CDH18: variants seen among roughly 807,000 people sequenced by gnomAD.
The protein encoded by CDH18 is cadherin 18.
Under a neutral mutation model 67.9 loss-of-function variants are expected in CDH18, and 31 were observed. That is an observed-to-expected ratio of 0.46 (90% CI 0.34 to 0.62). The LOEUF is 0.62. Among genes scored for constraint, CDH18 ranks in the 20% least tolerant of loss-of-function variants. CDH18 has a pLI of 0.01. For synonymous variants in CDH18, 362 were observed against 347.2 expected, an observed-to-expected ratio of 1.04 and a Z score of -0.48; for missense variants, 890 against 975.5, an observed-to-expected ratio of 0.91 and a Z score of 1.17.
chr5:20,063,904 C>T (rs563915986), intron 2 of CDH18, among the ~76,000 whole-genome samples: 1 of 152,124 alleles, frequency 6.6e-6, no homozygotes, highest in Non-Finnish European at 1.5e-5. Flanking sequence ...CCATTGTGCT[C>T]GGGGAAACAA....
intron 4 of CDH18, among the ~76,000 whole-genome samples, chr5:19,736,046 A>G (rs1768278430): frequency 6.6e-6 from 1 of 152,230 alleles, no homozygotes; most frequent in Non-Finnish European, 1.5e-5. Flanking sequence ...TATTTATGAC[A>G]ACTATGAAAA....
chr5:19,785,421 G>A (rs1775594067), intron 3 of CDH18, among the ~76,000 whole-genome samples: 1 of 151,072 alleles, frequency 6.6e-6, no homozygotes, highest in Non-Finnish European at 1.5e-5. Flanking sequence ...GGGAGGCCGA[G>A]GCGGGCAGAT....
chr5:19,701,129 T>C (rs1763197947), intron 5 of CDH18, among the ~76,000 whole-genome samples: 1 of 152,120 alleles, frequency 6.6e-6, no homozygotes, highest in Non-Finnish European at 1.5e-5. Flanking sequence ...ATTTTAAATC[T>C]TGTATATTTG....
At chr5:20,224,884 T>C (rs1281859713) in intron 2 of CDH18, among the ~76,000 whole-genome samples, 1 of 152,092 alleles carries the variant, frequency 6.6e-6, no homozygotes, top group African/African-American at 2.4e-5. Context: ...CTCTAATATA[T>C]AAACATGCAT....
upstream of CDH18, among the ~76,000 whole-genome samples, chr5:19,989,314 A>C (rs1272644295): frequency 1.3e-5 from 2 of 152,222 alleles, no homozygotes; most frequent in African/African-American, 4.8e-5. Flanking sequence ...TAGTTGATAA[A>C]ACTACAAATG....
At chr5:19,704,147 A>T (rs865957790) in intron 5 of CDH18, among the ~76,000 whole-genome samples, 1 of 152,198 alleles carries the variant, frequency 6.6e-6, no homozygotes, top group Admixed American at 6.5e-5. Context: ...TTATTGGGTG[A>T]ATCAAATTAC....
At chr5:19,584,810 AAAGAAAAAAAG>A (rs1743881136) in intron 7 of CDH18, among the ~76,000 whole-genome samples, 2 of 144,760 alleles carry the variant, frequency 1.4e-5, no homozygotes, top group East Asian at 4.0e-4. Flanking sequence ...AAAAAAAAAA[AAAGAAAAAAAG>A]AAAAAGAAAA....
intron 3 of CDH18, 65 bp downstream of exon 3, chr5:19,838,694 C>T: frequency 1.9e-6 from 2 of 1,054,700 alleles, no homozygotes; most frequent in South Asian, 2.8e-5. Flanking sequence ...ATTTCTCCAA[C>T]ATGAGCTCAT....
At chr5:20,254,200 CT>C (rs1204095929) in intron 2 of CDH18, among the ~76,000 whole-genome samples, 11 of 152,300 alleles carry the variant, frequency 7.2e-5, no homozygotes, top group South Asian at 2.1e-4. Context: ...GCAACCTCTG[CT>C]TCTCAGGTTC....
At chr5:20,125,123 T>G (rs1186502651) in intron 2 of CDH18, among the ~76,000 whole-genome samples, 3 of 152,198 alleles carry the variant, frequency 2.0e-5, no homozygotes, top group Non-Finnish European at 4.4e-5. Context: ...ATACATGAAC[T>G]AAATAAACAA....
chr5:20,070,815 T>G (rs1031671810), intron 2 of CDH18, among the ~76,000 whole-genome samples: 8 of 152,204 alleles, frequency 5.3e-5, no homozygotes, highest in African/African-American at 1.9e-4. Flanking sequence ...GTAGAAGAGA[T>G]ATAACTAGAA....
At chr5:20,441,008 G>A (rs950192251) in intron 1 of CDH18, among the ~76,000 whole-genome samples, 1 of 151,936 alleles carries the variant, frequency 6.6e-6, no homozygotes, top group Non-Finnish European at 1.5e-5. Context: ...GAATGAAGAA[G>A]GTAACAGATT....
chr5:19,731,437 T>G (rs1158032625), intron 4 of CDH18, among the ~76,000 whole-genome samples: 1 of 151,866 alleles, frequency 6.6e-6, no homozygotes, highest in Non-Finnish European at 1.5e-5. Flanking sequence ...GGTGACAGAG[T>G]GAGACTCCAT....
chr5:20,292,218 G>A (rs1023431131), intron 1 of CDH18, among the ~76,000 whole-genome samples: 5 of 152,266 alleles, frequency 3.3e-5, no homozygotes, highest in Admixed American at 6.5e-5. Flanking sequence ...CTGTAAGACC[G>A]GGACATGACA....
At chr5:19,953,476 T>C (rs1445608165) in intron 2 of CDH18, among the ~76,000 whole-genome samples, 1 of 152,032 alleles carries the variant, frequency 6.6e-6, no homozygotes, top group East Asian at 1.9e-4. Context: ...GATATATTTT[T>C]ATTATTATAT....
chr5:19,617,853 T>C (rs371956377), intron 5 of CDH18, among the ~76,000 whole-genome samples: 2 of 152,326 alleles, frequency 1.3e-5, no homozygotes, highest in Admixed American at 6.5e-5. Flanking sequence ...GTTCATAACA[T>C]TGAAAATGCA....
intron 1 of CDH18, among the ~76,000 whole-genome samples, chr5:20,310,417 A>T (rs1736879344): frequency 6.6e-6 from 1 of 152,136 alleles, no homozygotes; most frequent in Non-Finnish European, 1.5e-5. Context: ...TCTTTGCTTT[A>T]ATTGGGGGAA....
intron 2 of CDH18, among the ~76,000 whole-genome samples, chr5:19,892,373 T>C (rs1413181642): frequency 6.6e-6 from 1 of 152,210 alleles, no homozygotes; most frequent in Non-Finnish European, 1.5e-5. Flanking sequence ...ATTTTACTTT[T>C]TCATATTGAG....
intron 2 of CDH18, among the ~76,000 whole-genome samples, chr5:20,186,748 CT>C (rs1738133560): frequency 8.1e-6 from 1 of 123,782 alleles, no homozygotes; most frequent in Admixed American, 8.2e-5. Context: ...ATAGCAATTC[CT>C]TAAAAAAATG....
Sources: gnomAD v4.1 joint callset for allele counts (sites outside exome capture counted in the v4.1 genomes callset) on GRCh38, gnomAD v4.1.1 for gene constraint, MANE v1.5 for transcripts, NCBI Gene and HGNC (gene_info 2026-07-23, HGNC 2026-07-21) for gene names.